Variants in OPCML observed in about 807,000 individuals in gnomAD.
OPCML encodes the protein opioid binding protein/cell adhesion molecule like.
In OPCML, 13 loss-of-function variants were observed where a neutral mutation model predicts 37.8. The observed-to-expected ratio is 0.34, with a 90% CI of 0.22 to 0.55. The LOEUF (loss-of-function observed/expected upper bound fraction) is 0.55. Among genes scored for constraint, OPCML ranks in the 20% least tolerant of loss-of-function variants. The probability of loss-of-function intolerance (pLI) is 0.91; values close to 1 mark genes in which losing one functional copy is unlikely to be tolerated. For synonymous variants in OPCML, 176 were observed against 168.8 expected, an observed-to-expected ratio of 1.04 and a Z score of -0.33; for missense variants, 341 against 435.6, an observed-to-expected ratio of 0.78 and a Z score of 1.93.
At chr11:132,792,265 C>T (rs1937967380) in intron 2 of OPCML, among the ~76,000 whole-genome samples, 1 of 151,948 alleles carries the variant, frequency 6.6e-6, no homozygotes. Context: ...CCACTTATTC[C>T]ACCTTCTTGT....
At chr11:132,497,282 T>C (rs1337890763) in intron 4 of OPCML, among the ~76,000 whole-genome samples, 3 of 151,874 alleles carry the variant, frequency 2.0e-5, no homozygotes, top group Admixed American at 6.6e-5. Context: ...TCAGGAAGAA[T>C]AGCTAATGGA....
At chr11:133,007,509 C>T in intron 1 of OPCML, 1 of 985,454 alleles carries the variant, frequency 1.0e-6, no homozygotes, top group Non-Finnish European at 1.2e-6. Context: ...TAGACAGAAT[C>T]TCTGTTCCTT....
chr11:133,358,844 C>T (rs1441584009), intron 1 of OPCML, among the ~76,000 whole-genome samples: 1 of 152,150 alleles, frequency 6.6e-6, no homozygotes, highest in Non-Finnish European at 1.5e-5. Flanking sequence ...GAGGTGTTCC[C>T]CCCACCCCCG....
chr11:133,215,868 G>A (rs535022835), intron 1 of OPCML, among the ~76,000 whole-genome samples: 1 of 152,292 alleles, frequency 6.6e-6, no homozygotes, highest in South Asian at 2.1e-4. Flanking sequence ...GCTAAATGAA[G>A]CTGGCTGCCC....
At chr11:133,313,951 T>G (rs1033942265) in intron 1 of OPCML, among the ~76,000 whole-genome samples, 2 of 152,184 alleles carry the variant, frequency 1.3e-5, no homozygotes, top group Non-Finnish European at 2.9e-5. Flanking sequence ...GAATACGATT[T>G]CAGGCTGGGC....
chr11:132,687,614 C>T (rs1411165843), intron 2 of OPCML, among the ~76,000 whole-genome samples: 1 of 151,284 alleles, frequency 6.6e-6, no homozygotes, highest in Non-Finnish European at 1.5e-5. Flanking sequence ...GAATTAAAAG[C>T]AGAACTTGTA....
chr11:133,255,956 A>C (rs1424885937), intron 1 of OPCML, among the ~76,000 whole-genome samples: 1 of 152,216 alleles, frequency 6.6e-6, no homozygotes, highest in Non-Finnish European at 1.5e-5. Context: ...TTTAAAGACT[A>C]TTTAATATTC....
chr11:132,592,866 T>C (rs533903095), intron 3 of OPCML, among the ~76,000 whole-genome samples: 31 of 152,202 alleles, frequency 2.0e-4, no homozygotes, highest in Non-Finnish European at 4.0e-4. Flanking sequence ...ACAAAATAAT[T>C]GCTCATTTAT....
chr11:133,110,395 T>C (rs1042871394), intron 1 of OPCML, among the ~76,000 whole-genome samples: 1 of 152,140 alleles, frequency 6.6e-6, no homozygotes, highest in African/African-American at 2.4e-5. Context: ...CAGCCTGGTG[T>C]TCCCACAGCA....
At chr11:132,779,243 C>T (rs1946914825) in intron 2 of OPCML, among the ~76,000 whole-genome samples, 1 of 152,180 alleles carries the variant, frequency 6.6e-6, no homozygotes, top group Admixed American at 6.5e-5. Flanking sequence ...GCTGGGATTA[C>T]AGGCATGAGT....
At position 133,175,008 on chromosome 11, in the gene OPCML, A is replaced by G. The variant is rs7114117; in HGVS notation, c.62-231998T>C. 8.8e-3 allele frequency among the ~76,000 whole-genome samples: 1,337 copies of G among 152,218 alleles called. 25 individuals are homozygous for G. The highest frequency in any genetic ancestry group is 0.03 in the African/African-American group (1,256 of 41,528). On this transcript the variant is annotated intron_variant, in intron 1 of 7. Transcript: ENST00000524381. ...TAGTTCCAGCTACTTGGGAAGTGAG[A>G]TGGGAGGATCACTTGAGCCTAAGAG... is the stretch of plus-strand genomic sequence containing the variant.
In OPCML at chr11:132,991,527, A is replaced by T. The variant is rs145773035; in HGVS notation, c.62-48517T>A. ...AATATTAACGAGCATCAATGAGCCCAAAGTGACAGCACAGTAAATAATTTG... is the reference window on the plus strand; with the variant it reads ...AATATTAACGAGCATCAATGAGCCCTAAGTGACAGCACAGTAAATAATTTG... On this transcript the variant is annotated intron_variant, in intron 1 of 7. Coordinates refer to ENST00000524381, the MANE Select transcript of OPCML (RefSeq NM_001012393.5). Among the ~76,000 whole-genome samples, 4 of 152,360 alleles carry T rather than the reference A, an allele frequency of 2.6e-5. No individual in the cohort carries two copies. The East Asian group carries it at 5.8e-4, about 22-fold the overall frequency.
At chr11:132,428,451 A>G (rs761105375) in intron 7 of OPCML, among the ~76,000 whole-genome samples, 4 of 152,236 alleles carry the variant, frequency 2.6e-5, no homozygotes, top group East Asian at 1.9e-4. Context: ...AAATATAAGC[A>G]TAGGGGTAAT....
chr11:132,736,292 A>G (rs1298834602), intron 2 of OPCML, among the ~76,000 whole-genome samples: 1 of 152,224 alleles, frequency 6.6e-6, no homozygotes, highest in African/African-American at 2.4e-5. Context: ...AGCACACTGA[A>G]GGACCATCAT....
chr11:133,184,509 G>A (rs1937985241), intron 1 of OPCML, among the ~76,000 whole-genome samples: 1 of 152,146 alleles, frequency 6.6e-6, no homozygotes, highest in Non-Finnish European at 1.5e-5. Flanking sequence ...AATCCTGCTG[G>A]CTTGAGGAGC....
intron 3 of OPCML, among the ~76,000 whole-genome samples, chr11:132,633,690 C>T (rs1206656149): frequency 6.6e-6 from 1 of 152,054 alleles, no homozygotes; most frequent in African/African-American, 2.4e-5. Context: ...CAGATTGAGC[C>T]ATCTCTTCTC....
At chr11:133,347,899 T>C (rs571625663) in intron 1 of OPCML, among the ~76,000 whole-genome samples, 11 of 152,272 alleles carry the variant, frequency 7.2e-5, no homozygotes, top group African/African-American at 1.9e-4. Flanking sequence ...AAGATGATAG[T>C]GAGCTGAGAG....
intron 4 of OPCML, among the ~76,000 whole-genome samples, chr11:132,462,366 G>T (rs2096105334): frequency 6.6e-6 from 1 of 152,132 alleles, no homozygotes; most frequent in Non-Finnish European, 1.5e-5. Context: ...TCCTGAGGCT[G>T]CCTGGTGGGC....
intron 2 of OPCML, among the ~76,000 whole-genome samples, chr11:132,865,220 C>A (rs1295060684): frequency 6.6e-6 from 1 of 152,174 alleles, no homozygotes; most frequent in South Asian, 2.1e-4. Context: ...ATACATCTTA[C>A]AAACTGAATT....
Sources: allele counts gnomAD v4.1 joint callset (sites outside exome capture counted in the v4.1 genomes callset), GRCh38; gene constraint gnomAD v4.1.1; transcripts MANE v1.5; gene names NCBI Gene and HGNC (gene_info 2026-07-23, HGNC 2026-07-21).